The following NRXN1 variants were observed in gnomAD, a reference collection of about 807,000 sequenced individuals.
The protein encoded by NRXN1 is neurexin 1.
In NRXN1, 39 loss-of-function variants were observed where a neutral mutation model predicts 150.9. The observed-to-expected ratio is 0.26, with a 90% CI of 0.20 to 0.34. The LOEUF (loss-of-function observed/expected upper bound fraction) is 0.34. NRXN1 is among the 10% of genes least tolerant of loss of function. The pLI is 1.00. For synonymous variants in NRXN1, 924 were observed against 757.0 expected (o/e 1.22, Z -3.62); for missense variants, 1,815 against 1,949.9 (o/e 0.93, Z 1.30).
chr2:50,342,168 T>G (rs2152993659), intron 17 of NRXN1, among the ~76,000 whole-genome samples: 1 of 152,322 alleles, frequency 6.6e-6, no homozygotes, highest in African/African-American at 2.4e-5. Context: ...AATAAATGAA[T>G]GCATGAATGA....
rs188019677 is a variant in NRXN1, at chr2:50,101,452, C to A, written c.3547-9958G>T. ...GTTATATCCCAGGATCATCATTTTC[C>A]AGGAGACCTGACTATATAATTACAA... On this transcript the variant is annotated intron_variant, in intron 18 of 22. Coordinates refer to ENST00000401669, the MANE Select transcript of NRXN1 (RefSeq NM_001330078.2). Among the ~76,000 whole-genome samples the A allele has an allele frequency of 5.3e-3, 811 of 151,992 alleles. 3 individuals carry two copies. Among genetic ancestry groups the A allele is most frequent in the Non-Finnish European group, 7.8e-3 (527 of 67,874 alleles).
chr2:50,746,543 G>A (rs536179512), intron 5 of NRXN1, among the ~76,000 whole-genome samples: 33 of 148,678 alleles, frequency 2.2e-4, no homozygotes, highest in Admixed American at 1.6e-3. Flanking sequence ...GGGCAACAGA[G>A]CAAGACCCTG....
At chr2:50,790,364 T>C (rs1705765449) in intron 5 of NRXN1, among the ~76,000 whole-genome samples, 1 of 152,178 alleles carries the variant, frequency 6.6e-6, no homozygotes, top group Non-Finnish European at 1.5e-5. Context: ...CACTTGAGTC[T>C]TTCCTTTCCT....
intron 17 of NRXN1, among the ~76,000 whole-genome samples, chr2:50,282,326 A>G (rs888697745): frequency 3.9e-5 from 6 of 152,200 alleles, no homozygotes; most frequent in Admixed American, 3.9e-4. Flanking sequence ...AGCAATGTAG[A>G]GTATTTTTAA....
intron 6 of NRXN1, among the ~76,000 whole-genome samples, chr2:50,622,210 TCA>T (rs1419657892): frequency 6.6e-6 from 1 of 152,166 alleles, no homozygotes. Context: ...CAAGAATCTT[TCA>T]GTTTTATTTG....
intron 19 of NRXN1, among the ~76,000 whole-genome samples, chr2:50,075,409 G>T (rs1696931062): frequency 6.6e-6 from 1 of 152,164 alleles, no homozygotes; most frequent in Admixed American, 6.5e-5. Flanking sequence ...TGTGTAAAAA[G>T]CCTTAGATCA....
At chr2:50,316,501 A>T (rs2075618872) in intron 17 of NRXN1, among the ~76,000 whole-genome samples, 1 of 152,078 alleles carries the variant, frequency 6.6e-6, no homozygotes, top group African/African-American at 2.4e-5. Flanking sequence ...GCACAATAAG[A>T]ATCACATTAA....
intron 15 of NRXN1, among the ~76,000 whole-genome samples, chr2:50,487,021 A>G (rs530783772): frequency 5.3e-5 from 8 of 152,282 alleles, no homozygotes; most frequent in African/African-American, 1.7e-4. Flanking sequence ...ATTTAGTATT[A>G]CTATCATTAT....
At chr2:50,219,963 T>TATATTA in intron 18 of NRXN1, among the ~76,000 whole-genome samples, 1 of 60,700 alleles carries the variant, frequency 1.6e-5, no homozygotes, top group African/African-American at 1.2e-4. Flanking sequence ...AATATATATA[T>TATATTA]TATATATATA....
At chr2:50,125,023 A>G (rs944370696) in intron 18 of NRXN1, among the ~76,000 whole-genome samples, 6 of 152,176 alleles carry the variant, frequency 3.9e-5, no homozygotes, top group Admixed American at 2.6e-4. Context: ...TGTAAGTAAT[A>G]TGTATACAAA....
At chr2:50,261,780 A>G (rs1461661861) in intron 17 of NRXN1, among the ~76,000 whole-genome samples, 1 of 151,924 alleles carries the variant, frequency 6.6e-6, no homozygotes, top group Non-Finnish European at 1.5e-5. Context: ...TAAATTCATT[A>G]ATAAATTCTC....
intron 17 of NRXN1, among the ~76,000 whole-genome samples, chr2:50,280,379 T>C (rs1313574336): frequency 6.6e-6 from 1 of 151,954 alleles, no homozygotes; most frequent in African/African-American, 2.4e-5. Flanking sequence ...TTTAAATAAA[T>C]GGGATTTCAA....
At chr2:50,000,013 C>G (rs1381662736) in intron 21 of NRXN1, among the ~76,000 whole-genome samples, 1 of 152,200 alleles carries the variant, frequency 6.6e-6, no homozygotes, top group African/African-American at 2.4e-5. Flanking sequence ...TCCTAATACT[C>G]TCACATTGGG....
At chr2:49,978,714 C>A (rs201081901) in intron 21 of NRXN1, among the ~76,000 whole-genome samples, 254 of 122,914 alleles carry the variant, frequency 2.1e-3, no homozygotes, top group Middle Eastern at 4.5e-3. Context: ...AGAGAGGCCA[C>A]AAAAAAAAAA....
intron 17 of NRXN1, among the ~76,000 whole-genome samples, chr2:50,362,239 G>A (rs2079264389): frequency 1.3e-5 from 2 of 152,140 alleles, no homozygotes; most frequent in Non-Finnish European, 2.9e-5. Flanking sequence ...ATTATTGGAA[G>A]TTCTGGCCAG....
intron 19 of NRXN1, among the ~76,000 whole-genome samples, chr2:50,068,231 A>G (rs1230345047): frequency 6.6e-6 from 1 of 152,204 alleles, no homozygotes; most frequent in Non-Finnish European, 1.5e-5. Flanking sequence ...TTAAGATTAA[A>G]TGGTCTGGAA....
At chr2:50,451,494 G>C (rs896847430) in intron 17 of NRXN1, among the ~76,000 whole-genome samples, 1 of 152,090 alleles carries the variant, frequency 6.6e-6, no homozygotes, top group Non-Finnish European at 1.5e-5. Flanking sequence ...ACATGTACAG[G>C]AGGCAGACCT....
chr2:50,671,860 T>C (rs887607445), intron 5 of NRXN1, among the ~76,000 whole-genome samples: 3 of 151,898 alleles, frequency 2.0e-5, no homozygotes, highest in East Asian at 3.9e-4. Context: ...AAATTTTCCA[T>C]CAGTGTTTAT....
intron 2 of NRXN1, among the ~76,000 whole-genome samples, chr2:50,987,877 C>G (rs780657832): frequency 6.6e-6 from 1 of 151,906 alleles, no homozygotes; most frequent in African/African-American, 2.4e-5. Context: ...AGGAACACTA[C>G]GAAACACAGA....
Sources: allele counts gnomAD v4.1 joint callset (sites outside exome capture counted in the v4.1 genomes callset), GRCh38; gene constraint gnomAD v4.1.1; transcripts MANE v1.5; gene names NCBI Gene and HGNC (gene_info 2026-07-23, HGNC 2026-07-21).